Variants in OTUD7A observed in about 807,000 individuals in gnomAD.
OTUD7A encodes the protein OTU deubiquitinase 7A, also known as OTU domain-containing protein 7A.
In OTUD7A, 12 loss-of-function variants were observed where a neutral mutation model predicts 65.7. The ratio of observed to expected loss-of-function variants is 0.18; its 90% CI spans 0.12 to 0.30. The LOEUF (loss-of-function observed/expected upper bound fraction) is 0.30, where lower values mean the gene tolerates loss of function less well. Ranked by LOEUF, OTUD7A falls within the 10% of genes least tolerant of loss-of-function variation. The pLI is 1.00. For synonymous variants in OTUD7A, 641 were observed against 586.3 expected (o/e 1.09, Z -1.35); for missense variants, 1,148 against 1,304.8 (o/e 0.88, Z 1.85).
At chr15:31,723,927 G>A (rs866827445) in intron 1 of OTUD7A, among the ~76,000 whole-genome samples, 19 of 106,210 alleles carry the variant, frequency 1.8e-4, no homozygotes, top group Middle Eastern at 3.3e-3. Context: ...CCACACCCTC[G>A]CCAAGACTGG....
intron 3 of OTUD7A, among the ~76,000 whole-genome samples, chr15:31,592,662 C>T (rs966349040): frequency 1.8e-4 from 27 of 151,490 alleles, no homozygotes; most frequent in Non-Finnish European, 3.1e-4. Flanking sequence ...GGGCAGATCA[C>T]GAGGTCAGGA....
In OTUD7A at chr15:31,572,591, A is replaced by G. The variant is rs986793190; in HGVS notation, c.152-2394T>C. Among the ~76,000 whole-genome samples the G allele has an allele frequency of 2.0e-5, 3 of 152,346 alleles. No individual in the cohort carries two copies. In the East Asian group the frequency reaches 5.8e-4, roughly 29 times the overall value. On this transcript the variant is annotated intron_variant, in intron 3 of 12. Coordinates refer to ENST00000307050, the MANE Select transcript of OTUD7A (RefSeq NM_001382637.1). Reference sequence around the variant, plus strand: ...CAGTGGATTTCAAGTTAAACTTAACATATGTATTTTGGCACTCAGAGAGGG... The same window carrying G: ...CAGTGGATTTCAAGTTAAACTTAACGTATGTATTTTGGCACTCAGAGAGGG...
chr15:31,630,671 A>G (rs1324064484), intron 3 of OTUD7A, among the ~76,000 whole-genome samples: 2 of 152,198 alleles, frequency 1.3e-5, no homozygotes, highest in Non-Finnish European at 2.9e-5. Flanking sequence ...TGATCTGTCT[A>G]ACATTGACAG....
chr15:31,634,397 G>GT (rs1891274734), intron 3 of OTUD7A, among the ~76,000 whole-genome samples: 1 of 152,070 alleles, frequency 6.6e-6, no homozygotes, highest in Admixed American at 6.5e-5. Context: ...CTTCCACGAC[G>GT]TTTCTCTACA....
At chr15:31,813,541 T>C (rs1047724934) in intron 1 of OTUD7A, among the ~76,000 whole-genome samples, 1 of 152,206 alleles carries the variant, frequency 6.6e-6, no homozygotes, top group African/African-American at 2.4e-5. Context: ...AGGAGGACAT[T>C]CTTTGGTCAA....
At chr15:31,758,585 TAA>T (rs1364097356) in intron 1 of OTUD7A, among the ~76,000 whole-genome samples, 1 of 152,260 alleles carries the variant, frequency 6.6e-6, no homozygotes, top group Non-Finnish European at 1.5e-5. Context: ...TGGTCATTTA[TAA>T]AGACTATGAC....
In OTUD7A at chr15:31,481,267, G is replaced by C. The variant is rs1212182576; in HGVS notation, c.*2027C>G. 6.6e-6 allele frequency: 1 copy of C among 152,172 alleles called. No individual in the cohort carries two copies. The highest frequency in any genetic ancestry group is 2.4e-5 in the African/African-American group (1 of 41,442). 9.4% of individuals were successfully genotyped at this position (152,172 alleles called of 1,614,324 possible). On this transcript the variant is annotated 3_prime_UTR_variant, in exon 13 of 13. Coordinates refer to ENST00000307050, the MANE Select transcript of OTUD7A (RefSeq NM_001382637.1). ...GAATGGATTATTGGAGCATTTTTAA[G>C]GTTGGGTGTCTCAATCTTTTAAGAG...
rs187006861 is a variant in OTUD7A, at chr15:31,740,993, T to C, written c.-99-83916A>G. Among the ~76,000 whole-genome samples, 13 of 152,362 alleles carry C rather than the reference T, an allele frequency of 8.5e-5. No individual in the cohort carries two copies. In the East Asian group the frequency reaches 2.5e-3, roughly 29 times the overall value. On this transcript the variant is annotated intron_variant, in intron 1 of 12. Transcript: ENST00000307050. ...GTAGGACACAGATGTGAATGTACTATTGACAAACTTTACTTAAGGGTCATA... is the reference window on the plus strand; with the variant it reads ...GTAGGACACAGATGTGAATGTACTACTGACAAACTTTACTTAAGGGTCATA...
intron 1 of OTUD7A, among the ~76,000 whole-genome samples, chr15:31,772,422 G>T (rs181466166): frequency 6.6e-6 from 1 of 152,210 alleles, no homozygotes; most frequent in East Asian, 1.9e-4. Flanking sequence ...AGGGTACAGT[G>T]AGTAAAGGAA....
intron 1 of OTUD7A, among the ~76,000 whole-genome samples, chr15:31,744,384 A>G (rs1894421402): frequency 6.6e-6 from 1 of 152,174 alleles, no homozygotes; most frequent in South Asian, 2.1e-4. Flanking sequence ...GTAATAAATG[A>G]AAAATAATCA....
chr15:31,846,451 G>C (rs1372026819), intron 1 of OTUD7A, among the ~76,000 whole-genome samples: 3 of 152,184 alleles, frequency 2.0e-5, no homozygotes, highest in Non-Finnish European at 4.4e-5. Flanking sequence ...TGTGAAGGGA[G>C]CCCACTGAGA....
At chr15:31,530,880 G>A in intron 5 of OTUD7A, 72 bp from the exon 6 acceptor site, 3 of 1,244,664 alleles carry the variant, frequency 2.4e-6, no homozygotes, top group Middle Eastern at 2.2e-4. Context: ...TGCTAAGGAG[G>A]CATAAACATC....
At chr15:31,627,316 C>T (rs911563566) in intron 3 of OTUD7A, among the ~76,000 whole-genome samples, 1 of 147,586 alleles carries the variant, frequency 6.8e-6, no homozygotes, top group Non-Finnish European at 1.5e-5. Context: ...GTTCAATTCC[C>T]ACCTATGAGT....
chr15:31,540,861 A>G (rs1436706095), intron 5 of OTUD7A, among the ~76,000 whole-genome samples: 1 of 152,232 alleles, frequency 6.6e-6, no homozygotes, highest in Non-Finnish European at 1.5e-5. Flanking sequence ...TGAACTGCAA[A>G]TAAAGGGAAG....
chr15:31,616,349 A>G (rs1368101300), intron 3 of OTUD7A, among the ~76,000 whole-genome samples: 2 of 152,316 alleles, frequency 1.3e-5, no homozygotes, highest in East Asian at 3.9e-4. Context: ...AGAAATCAAT[A>G]ACAGAAAGAG....
rs189111520 is a variant in OTUD7A, at chr15:31,689,953, C to T, written c.-99-32876G>A. Among the ~76,000 whole-genome samples, 181 of 152,348 alleles carry T rather than the reference C, an allele frequency of 1.2e-3. 1 individual carries two copies. The highest frequency in any genetic ancestry group is 4.3e-3 in the African/African-American group (177 of 41,580). On this transcript the variant is annotated intron_variant, in intron 1 of 12. Coordinates refer to ENST00000307050, the MANE Select transcript of OTUD7A (RefSeq NM_001382637.1). ...ATGTTCCACACAGTGGAACCAGGTA[C>T]ACCCCATCTCGACTGGGCATCCCCT... is the stretch of plus-strand genomic sequence containing the variant.
At chr15:31,762,203 C>T (rs1455668824) in intron 1 of OTUD7A, among the ~76,000 whole-genome samples, 1 of 152,184 alleles carries the variant, frequency 6.6e-6, no homozygotes, top group Non-Finnish European at 1.5e-5. Context: ...GATGTGGTAG[C>T]AATTCTGCAG....
intron 6 of OTUD7A, among the ~76,000 whole-genome samples, chr15:31,528,007 G>A (rs2042036964): frequency 6.6e-6 from 1 of 152,210 alleles, no homozygotes; most frequent in South Asian, 2.1e-4. Flanking sequence ...GAAAACACAG[G>A]GGAATCCATC....
chr15:31,793,885 A>C (rs547518223), intron 1 of OTUD7A, among the ~76,000 whole-genome samples: 1 of 152,342 alleles, frequency 6.6e-6, no homozygotes, highest in South Asian at 2.1e-4. Flanking sequence ...TTGGTATTCC[A>C]GAGATGGTCT....
Sources: allele counts gnomAD v4.1 joint callset (sites outside exome capture counted in the v4.1 genomes callset), GRCh38; gene constraint gnomAD v4.1.1; transcripts MANE v1.5; gene names NCBI Gene and HGNC (gene_info 2026-07-23, HGNC 2026-07-21).